IRX4: variants seen among roughly 807,000 people sequenced by gnomAD.
The protein encoded by IRX4 is iroquois-class homeodomain protein IRX-4.
Under a neutral mutation model 32.0 loss-of-function variants are expected in IRX4, and 22 were observed. The ratio of observed to expected loss-of-function variants is 0.69; its 90% CI spans 0.49 to 0.98. The LOEUF is 0.98. Ranked by LOEUF, IRX4 falls within the 50% of genes least tolerant of loss-of-function variation. The probability of loss-of-function intolerance (pLI) is 0.00; values close to 1 mark genes in which losing one functional copy is unlikely to be tolerated. For synonymous variants in IRX4, 379 were observed against 351.7 expected (o/e 1.08, Z -0.87); for missense variants, 840 against 744.2 (o/e 1.13, Z -1.50).
upstream of IRX4, chr5:1,884,619 TATA>T (rs1301151663): frequency 2.0e-5 from 3 of 152,166 alleles, no homozygotes; most frequent in Non-Finnish European, 4.4e-5. Context: ...CCGCGAGAAA[TATA>T]TAAAGAACAC....
intron 3 of IRX4, 72 bp downstream of exon 3, chr5:1,880,653 G>T (rs2111442378): frequency 4.0e-6 from 4 of 988,756 alleles, no homozygotes; most frequent in Non-Finnish European, 6.5e-6. Flanking sequence ...GCATGATGGT[G>T]GAGGGGAGTT....
intron 3 of IRX4, 134 bp downstream of exon 3, chr5:1,880,591 A>G: frequency 3.1e-6 from 2 of 652,464 alleles, no homozygotes; most frequent in Non-Finnish European, 5.5e-6. Flanking sequence ...GACTCAGGTC[A>G]TGCCTGACCT....
chr5:1,878,350 G>C lies in IRX4; in HGVS notation c.1179C>G (p.Cys393Trp). The change falls in exon 5 of 5, where the codon TGC becomes TGG. Residue 393 changes from cysteine to tryptophan, a missense_variant. By Grantham distance (215) the Cys-to-Trp change is radical (BLOSUM62 -2). Transcript: ENST00000231357. Reference protein sequence around the residue: ...TSLSQTEFPSCMLKRQGPAAP... With the variant: ...TSLSQTEFPSWMLKRQGPAAP... ...CCGCGGGACCTTGGCGCTTGAGCAT[G>C]CACGACGGAAACTCAGTCTGGCTCA... 6.5e-7 allele frequency: 1 copy of C among 1,542,244 alleles called. No homozygotes were observed. Among genetic ancestry groups the C allele is most frequent in the Non-Finnish European group, 8.7e-7 (1 of 1,145,980 alleles).
chr5:1,878,887 G>A, intron 4 of IRX4, 95 bp from the exon 5 acceptor site: 1 of 1,296,526 alleles, frequency 7.7e-7, no homozygotes, highest in South Asian at 1.2e-5. Flanking sequence ...TGTTCCCGAC[G>A]CTACGAAAAG....
chr5:1,882,524 A>T (rs1735488196), intron 1 of IRX4, 79 bp downstream of exon 1: 1 of 1,268,138 alleles, frequency 7.9e-7, no homozygotes, highest in African/African-American at 1.5e-5. Context: ...CGTAGGTCGG[A>T]CACTCCCCAC....
upstream of IRX4, chr5:1,887,002 G>C (rs1223230947): frequency 6.6e-6 from 1 of 151,278 alleles, no homozygotes; most frequent in Non-Finnish European, 1.5e-5. Context: ...CCGCCTCCTC[G>C]GAAGGGGGGA....
chr5:1,880,138 T>G (rs1482923282), intron 3 of IRX4: 13 of 1,535,462 alleles, frequency 8.5e-6, no homozygotes, highest in African/African-American at 1.4e-5. Context: ...GCCTAGCCGT[T>G]TGATCCTCAA....
rs1289179092 is a variant in IRX4, at chr5:1,882,694, G to C, written c.-47C>G. 59 of 1,250,752 alleles carry C rather than the reference G, an allele frequency of 4.7e-5. No homozygotes were observed. Among genetic ancestry groups the C allele is most frequent in the Non-Finnish European group, 5.7e-5 (55 of 964,266 alleles). 77.5% of individuals were successfully genotyped at this position (1,250,752 alleles called of 1,614,324 possible). A position where few individuals can be genotyped will look rare whatever the true frequency, so the allele number is the denominator to read the frequency against. The stretch of plus-strand genomic sequence containing the variant: ...ACGGGCGGGGCCTGCAGGGTTCTGC[G>C]CGCTGGGGCCGGCGTGGCGCGGCCA... On this transcript the variant is annotated 5_prime_UTR_variant, in exon 1 of 5. Transcript: ENST00000231357.
Position 1,879,638 on chromosome 5 carries a change from T to C in IRX4, c.602A>G (p.Lys201Arg). 6 of 1,614,134 alleles carry C rather than the reference T, an allele frequency of 3.7e-6. No homozygotes were observed. Among genetic ancestry groups the C allele is most frequent in the South Asian group, 1.1e-5 (1 of 91,084 alleles). Reference protein sequence around the residue: ...TWFANARRRLKKENKMTWPPR... With the variant: ...TWFANARRRLRKENKMTWPPR... Reference sequence around the variant, plus strand: ...CGGCCACGTCATCTTGTTCTCCTTCTTGAGGCGCCGGCGCGCGTTGGCGAA... The same window carrying C: ...CGGCCACGTCATCTTGTTCTCCTTCCTGAGGCGCCGGCGCGCGTTGGCGAA... The change falls in exon 4 of 5, where the codon AAG becomes AGG. Residue 201 changes from lysine to arginine, a missense_variant. Transcript: ENST00000231357.
intron 3 of IRX4, chr5:1,880,277 A>G: frequency 4.2e-6 from 3 of 711,454 alleles, no homozygotes; most frequent in Non-Finnish European, 4.6e-6. Context: ...ATAAATTTGT[A>G]GTGGTTGCAT....
rs947763808 is a variant in IRX4, at chr5:1,881,853, G to A, written c.252C>T (p.Gly84=). ...CCTCCGAGCCGTAGGTCACGTAGTT[G>A]CCATAGCCCTGCGATCCGCCATAGG... is the stretch of plus-strand genomic sequence containing the variant. The part of the protein sequence containing the change: ...GGPYGGSQGY[G]NYVTYGSEAS... The change falls in exon 2 of 5, where the codon GGC becomes GGT. Residue 84 remains glycine (G), a synonymous_variant. Coordinates refer to ENST00000231357, the MANE Select transcript of IRX4 (RefSeq NM_016358.3). 10 of 1,580,738 alleles carry A rather than the reference G, an allele frequency of 6.3e-6. No homozygotes were observed. Among genetic ancestry groups the A allele is most frequent in the Admixed American group, 1.8e-5 (1 of 56,238 alleles).
chr5:1,883,369 C>A (rs950619725), upstream of IRX4, among the ~76,000 whole-genome samples: 2 of 152,218 alleles, frequency 1.3e-5, no homozygotes, highest in African/African-American at 4.8e-5. Context: ...CTCGCGCTGG[C>A]GCGCTCTGCT....
Position 1,882,067 on chromosome 5 carries a change from G to T in IRX4, c.46-8C>A. ...GTTGGTGGCCATCAAGAACTGCAGA[G>T]AGAGGCCGCGAGGACTGGCGGGAAG... On this transcript the variant is annotated splice_region_variant and splice_polypyrimidine_tract_variant and intron_variant, in intron 1 of 4. Coordinates refer to ENST00000231357, the MANE Select transcript of IRX4 (RefSeq NM_016358.3). The T allele has an allele frequency of 1.9e-6, 3 of 1,549,746 alleles. No homozygotes were observed. In the African/African-American group the frequency reaches 4.1e-5, roughly 21 times the overall value.
At chr5:1,882,328 G>A (rs1241448085) in intron 1 of IRX4, among the ~76,000 whole-genome samples, 3 of 152,170 alleles carry the variant, frequency 2.0e-5, no homozygotes, top group African/African-American at 7.2e-5. Context: ...TTCCCCAGGG[G>A]TTCCTTGGGG....
At chr5:1,882,144 G>A (rs1735471941) in intron 1 of IRX4, 85 bp from the exon 2 acceptor site, 10 of 1,463,230 alleles carry the variant, frequency 6.8e-6, no homozygotes, top group African/African-American at 1.4e-5. Context: ...CGCCGCCCAC[G>A]AGGGCGTGCC....
chr5:1,880,886 C>G (rs778721309), intron 2 of IRX4, 52 bp from the exon 3 acceptor site: 5 of 1,362,078 alleles, frequency 3.7e-6, no homozygotes, highest in Non-Finnish European at 4.2e-6. Context: ...CAACCCCACT[C>G]CAGCCTCTCT....
rs552977211 is a variant in IRX4, at chr5:1,878,407, T to C, written c.1122A>G (p.Thr374=). Residue 374 remains threonine (T), a synonymous_variant, in exon 5 of 5, where the codon ACA becomes ACG. Coordinates refer to ENST00000231357, the MANE Select transcript of IRX4 (RefSeq NM_016358.3). ...TGGCGGCGGCGGCGGCGGCGGTGGC[T>C]GTGTGGGCCAGGGACCAGATGCGCG... The part of the protein sequence containing the change: ...AKPRIWSLAH[T]ATAAAAAATS... 348 of 1,525,222 alleles carry C rather than the reference T, an allele frequency of 2.3e-4. 1 individual carries two copies. In the African/African-American group the frequency reaches 4.2e-3, roughly 18 times the overall value. 94.5% of individuals were successfully genotyped at this position (1,525,222 alleles called of 1,614,324 possible).
chr5:1,877,854 G>T lies in IRX4; in HGVS notation c.*115C>A. 2 of 977,026 alleles carry T rather than the reference G, an allele frequency of 2.0e-6. No individual in the cohort carries two copies. Among genetic ancestry groups the T allele is most frequent in the Non-Finnish European group, 1.5e-6 (1 of 675,836 alleles). 60.5% of individuals were successfully genotyped at this position (977,026 alleles called of 1,614,324 possible). A position where few individuals can be genotyped will look rare whatever the true frequency, so the allele number is the denominator to read the frequency against. On this transcript the variant is annotated 3_prime_UTR_variant, in exon 5 of 5. Transcript: ENST00000231357. Reference sequence around the variant, plus strand: ...GTCCAAGTTCAGAAGCCCCCTCTCCGGTGGGTTGGCGGCTTCGCGGTGGCC... The same window carrying T: ...GTCCAAGTTCAGAAGCCCCCTCTCCTGTGGGTTGGCGGCTTCGCGGTGGCC...
Position 1,878,305 on chromosome 5 carries a change from G to C in IRX4, c.1224C>G (p.Ser408=). ...CCACAGACGGGGACGTGGCGGGCGC[G>C]GAGGACACAGCCGCAGGGGCCGCGG... ...QGPAAPAAVS[S]APATSPSVAL... is the part of the protein sequence containing the mutation. The change falls in exon 5 of 5, where the codon TCC becomes TCG. Residue 408 remains serine, a synonymous_variant. Coordinates refer to ENST00000231357, the MANE Select transcript of IRX4 (RefSeq NM_016358.3). 1 of 1,577,132 alleles carries C rather than the reference G, an allele frequency of 6.3e-7. No homozygotes were observed. The highest frequency in any genetic ancestry group is 2.3e-5 in the East Asian group (1 of 43,148).
Sources: gnomAD v4.1 joint callset for allele counts (sites outside exome capture counted in the v4.1 genomes callset) on GRCh38, gnomAD v4.1.1 for gene constraint, MANE v1.5 for transcripts, NCBI Gene and HGNC (gene_info 2026-07-23, HGNC 2026-07-21) for gene names.